Variants in MPEG1 observed in about 807,000 individuals in gnomAD.
The protein encoded by MPEG1 is macrophage expressed 1, also known as macrophage-expressed gene 1 protein.
For synonymous variants in MPEG1, 365 were observed against 351.9 expected (o/e 1.04, Z -0.42); for missense variants, 876 against 880.3 (o/e 1.00, Z 0.06).
rs1342992196 is a variant in MPEG1 at position 59,212,706 on chromosome 11, G to A, written c.160C>T (p.Leu54=). The A allele has an allele frequency of 6.2e-7, 1 of 1,614,240 alleles. No homozygotes were observed. Residue 54 remains leucine (L), a synonymous_variant, in exon 1 of 1, where the codon CTG becomes TTG. Transcript: ENST00000361050. ...EVLPGGGWDN[L]RNVDMGRVME... ...ACTCGTCCCATGTCCACATTCCGCA[G>A]ATTGTCCCAGCCCCCTCCAGGTAGG...
rs1862885654 is a variant in MPEG1, at chr11:59,211,213, T to C, written c.1653A>G (p.Ala551=). 6.2e-7 allele frequency: 1 copy of C among 1,614,138 alleles called. No individual in the cohort carries two copies. Among genetic ancestry groups the C allele is most frequent in the Non-Finnish European group, 8.5e-7 (1 of 1,180,002 alleles). The part of the protein sequence containing the change: ...VDPAISRDLG[A]PSLKKCPGGF... The stretch of plus-strand genomic sequence containing the variant: ...CCCCGGGGCACTTTTTCAGAGACGG[T>C]GCCCCTAAATCTCTGGATATAGCAG... The change falls in exon 1 of 1, where the codon GCA becomes GCG. Residue 551 remains alanine (A), a synonymous_variant. Transcript: ENST00000361050.
rs771657641 is a variant in MPEG1 at position 59,212,695 on chromosome 11, C to T, written c.171G>A (p.Val57=). 1 of 1,614,226 alleles carries T rather than the reference C, an allele frequency of 6.2e-7. No individual in the cohort carries two copies. Among genetic ancestry groups the T allele is most frequent in the Admixed American group, 1.7e-5 (1 of 60,028 alleles). Residue 57 remains valine, a synonymous_variant, in exon 1 of 1, where the codon GTG becomes GTA. Transcript: ENST00000361050. ...TCAATTCCATAACTCGTCCCATGTCCACATTCCGCAGATTGTCCCAGCCCC... is the reference window on the plus strand; with the variant it reads ...TCAATTCCATAACTCGTCCCATGTCTACATTCCGCAGATTGTCCCAGCCCC... ...PGGGWDNLRN[V]DMGRVMELTY...
In MPEG1 at chr11:59,210,456, A is replaced by G. The variant is rs1862873830; in HGVS notation, c.*259T>C. The G allele has an allele frequency of 2.1e-6, 1 of 465,468 alleles. No homozygotes were observed. 28.8% of individuals were successfully genotyped at this position (465,468 alleles called of 1,614,324 possible). Reference sequence around the variant, plus strand: ...TTTTTACACAAATGCATTCAGGTGAAGACAGCAACACACATTGGGAAAGGA... The same window carrying G: ...TTTTTACACAAATGCATTCAGGTGAGGACAGCAACACACATTGGGAAAGGA... On this transcript the variant is annotated 3_prime_UTR_variant, in exon 1 of 1. Coordinates refer to ENST00000361050, the MANE Select transcript of MPEG1 (RefSeq NM_001039396.2).
chr11:59,211,176 G>A lies in MPEG1; in HGVS notation c.1690C>T (p.His564Tyr). 6.2e-7 allele frequency: 1 copy of A among 1,614,210 alleles called. No individual in the cohort carries two copies. The highest frequency in any genetic ancestry group is 8.5e-7 in the Non-Finnish European group (1 of 1,180,032). Residue 564 changes from histidine to tyrosine, a missense_variant, in exon 1 of 1, where the codon CAC (histidine) becomes TAC (tyrosine). By Grantham distance (83) the His-to-Tyr change is moderately conservative (BLOSUM62 2). Coordinates refer to ENST00000361050, the MANE Select transcript of MPEG1 (RefSeq NM_001039396.2). ...LKKCPGGFSQHPALISDGCQV... is the reference protein window; with the variant it reads ...LKKCPGGFSQYPALISDGCQV... ...CATCCATCGCTGATGAGGGCTGGGT[G>A]CTGGCTGAAGCCCCCGGGGCACTTT...
chr11:59,212,095 G>A lies in MPEG1; in HGVS notation c.771C>T (p.Thr257=), dbSNP rs375135198. The change falls in exon 1 of 1, where the codon ACC becomes ACT. Residue 257 remains threonine (T), a synonymous_variant. Transcript: ENST00000361050. The part of the protein sequence containing the change: ...TVNFKFEENY[T]SQNVLTKSYL... Reference sequence around the variant, plus strand: ...AGCTCTTGGTGAGGACATTCTGCGAGGTATAGTTTTCCTCAAATTTGAAGT... The same window carrying A: ...AGCTCTTGGTGAGGACATTCTGCGAAGTATAGTTTTCCTCAAATTTGAAGT... 6.8e-6 allele frequency: 11 copies of A among 1,613,970 alleles called. No homozygotes were observed. Among genetic ancestry groups the A allele is most frequent in the Admixed American group, 1.7e-5 (1 of 59,980 alleles).
In MPEG1 at chr11:59,208,823, A is replaced by G. The variant is rs1018090202; in HGVS notation, c.*1892T>C. The stretch of plus-strand genomic sequence containing the variant: ...TTCATATGCATGAGCCGTTGGACAG[A>G]GGGTTTCTTAGTATATACTTTAATG... On this transcript the variant is annotated 3_prime_UTR_variant, in exon 1 of 1. Transcript: ENST00000361050. The G allele has an allele frequency of 7.2e-5, 11 of 152,334 alleles. No individual in the cohort carries two copies. The highest frequency in any genetic ancestry group is 2.6e-4 in the African/African-American group (11 of 41,568). 9.4% of individuals were successfully genotyped at this position (152,334 alleles called of 1,614,324 possible).
Position 59,210,506 on chromosome 11 carries a change from G to A in MPEG1, c.*209C>T. On this transcript the variant is annotated 3_prime_UTR_variant, in exon 1 of 1. Coordinates refer to ENST00000361050, the MANE Select transcript of MPEG1 (RefSeq NM_001039396.2). ...ACATCTGCTTCCTATTTTAGTCCCA[G>A]AATCACTTTTGCTTCTAGTCCCAAC... 1 of 556,312 alleles carries A rather than the reference G, an allele frequency of 1.8e-6. No individual in the cohort carries two copies. The highest frequency in any genetic ancestry group is 3.2e-6 in the Non-Finnish European group (1 of 314,586). 34.5% of individuals were successfully genotyped at this position (556,312 alleles called of 1,614,324 possible).
rs773612654 is a variant in MPEG1, at chr11:59,210,950, C to G, written c.1916G>C (p.Arg639Pro). 3 of 1,614,164 alleles carry G rather than the reference C, an allele frequency of 1.9e-6. No individual in the cohort carries two copies. The South Asian group carries it at 3.3e-5, about 18-fold the overall frequency. ...QWRLGEPIEL[R>P]RAMNVIHGDG... Reference sequence around the variant, plus strand: ...CCCATGGATGACATTCATGGCCCTCCGCAGCTCTATCGGTTCTCCCAGCCT... The same window carrying G: ...CCCATGGATGACATTCATGGCCCTCGGCAGCTCTATCGGTTCTCCCAGCCT... The change falls in exon 1 of 1, where the codon CGG (arginine) becomes CCG (proline). Residue 639 changes from arginine to proline, a missense_variant. Transcript: ENST00000361050.
rs753749100 is a variant in MPEG1, at chr11:59,211,518, C to T, written c.1348G>A (p.Glu450Lys). 6.2e-7 allele frequency: 1 copy of T among 1,614,236 alleles called. No individual in the cohort carries two copies. The change falls in exon 1 of 1, where the codon GAA (glutamate) becomes AAA (lysine). Residue 450 changes from glutamate (E) to lysine (K), a missense_variant. Glu to Lys is a moderately conservative substitution (Grantham distance 56). Coordinates refer to ENST00000361050, the MANE Select transcript of MPEG1 (RefSeq NM_001039396.2). ...TLLVFCKTVC[E>K]DVFQVAKAEF... ...GCTTTTGCCACCTGGAACACATCTTCACACACGGTCTTGCAGAAGACGAGG... is the reference window on the plus strand; with the variant it reads ...GCTTTTGCCACCTGGAACACATCTTTACACACGGTCTTGCAGAAGACGAGG...
In MPEG1 at chr11:59,208,620, A is replaced by G. The variant is rs1001973456; in HGVS notation, c.*2095T>C. Reference sequence around the variant, plus strand: ...TCACCCAAATCTGTGTCTATTTCTGATAGTCCATGGAATGTGGTTTTCTTG... The same window carrying G: ...TCACCCAAATCTGTGTCTATTTCTGGTAGTCCATGGAATGTGGTTTTCTTG... On this transcript the variant is annotated 3_prime_UTR_variant, in exon 1 of 1. Transcript: ENST00000361050. 6.6e-6 allele frequency: 1 copy of G among 152,192 alleles called. No homozygotes were observed. The highest frequency in any genetic ancestry group is 1.5e-5 in the Non-Finnish European group (1 of 68,024). 9.4% of individuals were successfully genotyped at this position (152,192 alleles called of 1,614,324 possible). A position where few individuals can be genotyped will look rare whatever the true frequency, so the allele number is the denominator to read the frequency against.
chr11:59,210,247 T>C lies in MPEG1; in HGVS notation c.*468A>G, dbSNP rs1862871829. ...AAAAGCAGTAGCCAGGCAAGACTTGTGTCTTTTCAGGGCTCTTCCAGGCTC... is the reference window on the plus strand; with the variant it reads ...AAAAGCAGTAGCCAGGCAAGACTTGCGTCTTTTCAGGGCTCTTCCAGGCTC... On this transcript the variant is annotated 3_prime_UTR_variant, in exon 1 of 1. Coordinates refer to ENST00000361050, the MANE Select transcript of MPEG1 (RefSeq NM_001039396.2). The C allele has an allele frequency of 6.4e-6, 1 of 155,624 alleles. No homozygotes were observed. Among genetic ancestry groups the C allele is most frequent in the Non-Finnish European group, 1.4e-5 (1 of 70,464 alleles). The allele number at this position is 155,624 out of a possible 1,614,324, so 9.6% of individuals were successfully genotyped here.
rs1862868594 is a variant in MPEG1 at position 59,209,991 on chromosome 11, A to G, written c.*724T>C. 1 of 152,126 alleles carries G rather than the reference A, an allele frequency of 6.6e-6. No homozygotes were observed. Among genetic ancestry groups the G allele is most frequent in the Non-Finnish European group, 1.5e-5 (1 of 68,036 alleles). 9.4% of individuals were successfully genotyped at this position (152,126 alleles called of 1,614,324 possible). On this transcript the variant is annotated 3_prime_UTR_variant, in exon 1 of 1. Coordinates refer to ENST00000361050, the MANE Select transcript of MPEG1 (RefSeq NM_001039396.2). ...CTTTTCCAGTTTTTACCCATCTTTCATTACTCCTTGTCTCCAAATCATCCC... is the reference window on the plus strand; with the variant it reads ...CTTTTCCAGTTTTTACCCATCTTTCGTTACTCCTTGTCTCCAAATCATCCC...
rs1447702833 is a variant in MPEG1, at chr11:59,209,198, T to C, written c.*1517A>G. 1.3e-5 allele frequency: 2 copies of C among 152,142 alleles called. No individual in the cohort carries two copies. Among genetic ancestry groups the C allele is most frequent in the South Asian group, 2.1e-4 (1 of 4,820 alleles). 9.4% of individuals were successfully genotyped at this position (152,142 alleles called of 1,614,324 possible). A position where few individuals can be genotyped will look rare whatever the true frequency, so the allele number is the denominator to read the frequency against. On this transcript the variant is annotated 3_prime_UTR_variant, in exon 1 of 1. Transcript: ENST00000361050. ...TGTGACTCACTTCTCTGTGTCTCGG[T>C]TGGAAATGAATGGGTATCCTGGTTC... is the stretch of plus-strand genomic sequence containing the variant.
Position 59,212,869 on chromosome 11 carries a change from TCAGA to T in MPEG1, c.-8_-5del. 1 of 1,611,030 alleles carries T rather than the reference TCAGA, an allele frequency of 6.2e-7. No homozygotes were observed. Among genetic ancestry groups the T allele is most frequent in the Non-Finnish European group, 8.5e-7 (1 of 1,177,958 alleles). ...TGGTGGCCCTGAAGTTGTTCATGGC[TCAGA>T]CAGCCCCAGCCACTCACCAGCCCTA... On this transcript the variant is annotated 5_prime_UTR_variant, in exon 1 of 1. Transcript: ENST00000361050.
chr11:59,210,590 A>G lies in MPEG1; in HGVS notation c.*125T>C, dbSNP rs1196092404. ...TAACAGTATGAATTTCCTGGCCCAGAGACCTAAACAAGAAGTCACGAATAT... is the reference window on the plus strand; with the variant it reads ...TAACAGTATGAATTTCCTGGCCCAGGGACCTAAACAAGAAGTCACGAATAT... On this transcript the variant is annotated 3_prime_UTR_variant, in exon 1 of 1. Transcript: ENST00000361050. 7.3e-6 allele frequency: 6 copies of G among 818,798 alleles called. No individual in the cohort carries two copies. The highest frequency in any genetic ancestry group is 1.2e-5 in the Non-Finnish European group (6 of 513,956). The allele number at this position is 818,798 out of a possible 1,614,324, so 50.7% of individuals were successfully genotyped here. A position where few individuals can be genotyped will look rare whatever the true frequency, so the allele number is the denominator to read the frequency against.
In MPEG1 at chr11:59,212,026, C is replaced by T. The variant is rs764530480; in HGVS notation, c.840G>A (p.Gly280=). 3.2e-5 allele frequency: 52 copies of T among 1,609,786 alleles called. No homozygotes were observed. Among genetic ancestry groups the T allele is most frequent in the Non-Finnish European group, 4.4e-5 (52 of 1,177,856 alleles). Residue 280 remains glycine, a synonymous_variant, in exon 1 of 1, where the codon GGG becomes GGA. Transcript: ENST00000361050. ...GGGTGATGCCTGGGTAAAAAGGAAC[C>T]CCTCCAATGCTCTGCACCCTGGAGT... ...RTNSRVQSIG[G]VPFYPGITLQ...
rs1862864002 is a variant in MPEG1 at position 59,209,842 on chromosome 11, T to TA, written c.*872_*873insT. ...AGAACAATGAAGACTTATTGAAATG[T>TA]GGTATGTGTGTGCGTGTGTGTGTGT... On this transcript the variant is annotated 3_prime_UTR_variant, in exon 1 of 1. Coordinates refer to ENST00000361050, the MANE Select transcript of MPEG1 (RefSeq NM_001039396.2). The TA allele has an allele frequency of 9.3e-6, 1 of 106,980 alleles. No homozygotes were observed. Among genetic ancestry groups the TA allele is most frequent in the Non-Finnish European group, 1.9e-5 (1 of 52,292 alleles). The allele number at this position is 106,980 out of a possible 1,614,324, so 6.6% of individuals were successfully genotyped here. A position where few individuals can be genotyped will look rare whatever the true frequency, so the allele number is the denominator to read the frequency against.
Position 59,210,776 on chromosome 11 carries a change from AC to A in MPEG1, c.2089del (p.Val697PhefsTer37), listed in dbSNP as rs1467729770. ...YQAIEERQSL[V>X]PGTAATGDTT... ...GTCTCCAGTTGCTGCAGTGCCTGGA[AC>A]CAAACTCTGCCTTTCCTCAATTGCC... On this transcript the variant is annotated frameshift_variant, in exon 1 of 1. Transcript: ENST00000361050. LOFTEE classifies it low-confidence loss of function (END_TRUNC). 1 of 1,614,010 alleles carries A rather than the reference AC, an allele frequency of 6.2e-7. No individual in the cohort carries two copies. Among genetic ancestry groups the A allele is most frequent in the Non-Finnish European group, 8.5e-7 (1 of 1,180,034 alleles).
Position 59,212,306 on chromosome 11 carries a change from G to C in MPEG1, c.560C>G (p.Thr187Arg). Residue 187 changes from threonine (T) to arginine (R), a missense_variant, in exon 1 of 1, where the codon ACG becomes AGG. By Grantham distance (71) the Thr-to-Arg change is moderately conservative (BLOSUM62 -1). Coordinates refer to ENST00000361050, the MANE Select transcript of MPEG1 (RefSeq NM_001039396.2). The stretch of plus-strand genomic sequence containing the variant: ...TTCTGCCAGGTAGGTGGCCATCCTC[G>C]TCTGGTTGTTCTCTAGACGGTCAGA... Reference protein sequence around the residue: ...DISDRLENNQTRMATYLAELL... With the variant: ...DISDRLENNQRRMATYLAELL... 4 of 1,613,912 alleles carry C rather than the reference G, an allele frequency of 2.5e-6. No individual in the cohort carries two copies. Among genetic ancestry groups the C allele is most frequent in the Non-Finnish European group, 3.4e-6 (4 of 1,180,026 alleles).
Sources: allele counts gnomAD v4.1 joint callset, GRCh38; gene constraint gnomAD v4.1.1; transcripts MANE v1.5; gene names NCBI Gene and HGNC (gene_info 2026-07-23, HGNC 2026-07-21).